The following XRN2 variants were observed in gnomAD, a reference collection of about 807,000 sequenced individuals.
XRN2 encodes the protein 5'-3' exoribonuclease 2.
Under a neutral mutation model 138.5 loss-of-function variants are expected in XRN2, and 44 were observed. The observed-to-expected ratio is 0.32, with a 90% CI of 0.25 to 0.41. The LOEUF (loss-of-function observed/expected upper bound fraction) is 0.41. Among genes scored for constraint, XRN2 ranks in the 10% least tolerant of loss-of-function variants. XRN2 has a pLI of 1.00. For synonymous variants in XRN2, 354 were observed against 369.4 expected (o/e 0.96, Z 0.48); for missense variants, 937 against 1,169.3 (o/e 0.80, Z 2.90).
chr20:21,360,030 T>A (rs2038619370), intron 24 of XRN2, among the ~76,000 whole-genome samples: 1 of 152,162 alleles, frequency 6.6e-6, no homozygotes, highest in Non-Finnish European at 1.5e-5. Flanking sequence ...GCTGTTGAAG[T>A]CCCTTAAATT....
intron 15 of XRN2, 151 bp from the exon 16 acceptor site, chr20:21,343,939 G>A: frequency 1.9e-6 from 1 of 525,428 alleles, no homozygotes; most frequent in South Asian, 3.2e-5. Flanking sequence ...AGCAAGATCA[G>A]TCTCTGTACC....
chr20:21,303,786 C>T, intron 1 of XRN2: 2 of 1,126,330 alleles, frequency 1.8e-6, no homozygotes, highest in Non-Finnish European at 2.2e-6. Flanking sequence ...GTTTCCTCTC[C>T]AGACCGCGCA....
chr20:21,334,329 TTTGA>T (rs1354676663), intron 13 of XRN2, 144 bp downstream of exon 13: 14 of 677,990 alleles, frequency 2.1e-5, no homozygotes, highest in African/African-American at 3.6e-5. Context: ...TGGTCAGTGC[TTTGA>T]TTATTTTATA....
chr20:21,347,808 A>G (rs1335255822), intron 17 of XRN2, among the ~76,000 whole-genome samples: 2 of 152,206 alleles, frequency 1.3e-5, no homozygotes, highest in East Asian at 3.8e-4. Context: ...TGATGATGAC[A>G]GCTCTAGAGA....
intron 23 of XRN2, among the ~76,000 whole-genome samples, chr20:21,357,314 A>G (rs1386238229): frequency 6.6e-6 from 1 of 152,222 alleles, no homozygotes; most frequent in Non-Finnish European, 1.5e-5. Context: ...TGCTGGCCAT[A>G]GAGTATGTGT....
intron 6 of XRN2, 86 bp downstream of exon 6, chr20:21,330,791 T>C: frequency 1.6e-6 from 2 of 1,254,720 alleles, no homozygotes; most frequent in South Asian, 2.8e-5. Flanking sequence ...TTTATCCTTC[T>C]GCCCTGCCCC....
chr20:21,348,095 C>T (rs2038460611), intron 17 of XRN2, 51 bp from the exon 18 acceptor site: 4 of 1,501,984 alleles, frequency 2.7e-6, no homozygotes, highest in Admixed American at 2.2e-5. Flanking sequence ...TAATTGTGTT[C>T]ATCATTAACA....
At chr20:21,382,932 G>C (rs2038901091) in intron 28 of XRN2, among the ~76,000 whole-genome samples, 1 of 152,090 alleles carries the variant, frequency 6.6e-6, no homozygotes. Flanking sequence ...TGCCTTCCCA[G>C]TTTTAATCTG....
intron 29 of XRN2, 84 bp from the exon 30 acceptor site, chr20:21,389,189 G>GT: frequency 4.1e-6 from 5 of 1,222,730 alleles, no homozygotes; most frequent in Non-Finnish European, 5.8e-6. Context: ...TCCTTATGAT[G>GT]TGTTTTTCCA....
In XRN2 at chr20:21,340,833, T is replaced by G. The variant is rs2038362575; in HGVS notation, c.1391T>G (p.Met464Arg). ...ASNPRQAAYEMRMQNNSSPSI... is the reference protein window; with the variant it reads ...ASNPRQAAYERRMQNNSSPSI... Reference sequence around the variant, plus strand: ...AATCCGAGACAAGCAGCCTATGAAATGAGGATGCAGAATAACTCTGTAAGT... The same window carrying G: ...AATCCGAGACAAGCAGCCTATGAAAGGAGGATGCAGAATAACTCTGTAAGT... Residue 464 changes from methionine (M) to arginine (R), a missense_variant, in exon 15 of 30, where the codon ATG becomes AGG. This residue lies in a region of XRN2 where 471 missense variants were observed against 581.2 expected (regional missense o/e 0.81). Coordinates refer to ENST00000377191, the MANE Select transcript of XRN2 (RefSeq NM_012255.5). 2 of 1,613,894 alleles carry G rather than the reference T, an allele frequency of 1.2e-6. No homozygotes were observed. Among genetic ancestry groups the G allele is most frequent in the Admixed American group, 1.7e-5 (1 of 60,006 alleles).
chr20:21,380,309 A>C (rs1313201699), intron 27 of XRN2, among the ~76,000 whole-genome samples: 1 of 152,242 alleles, frequency 6.6e-6, no homozygotes, highest in Non-Finnish European at 1.5e-5. Flanking sequence ...ATGAGCTGAA[A>C]AAGTGGCTCA....
Position 21,328,542 on chromosome 20 carries a change from A to G in XRN2, c.316-17A>G. 2 of 1,607,792 alleles carry G rather than the reference A, an allele frequency of 1.2e-6. No homozygotes were observed. Among genetic ancestry groups the G allele is most frequent in the African/African-American group, 1.3e-5 (1 of 74,974 alleles). On this transcript the variant is annotated splice_polypyrimidine_tract_variant and intron_variant, in intron 3 of 29. Transcript: ENST00000377191. ...AATATTTTGATGAGTGTTATGGAAT[A>G]TGAAATACATTTTCAGGCACCACGT...
rs11476840 is a variant in XRN2 at position 21,382,065 on chromosome 20, TA to T, written c.2648+12del. The T allele has an allele frequency of 0.83, 1,330,053 of 1,604,246 alleles. 554,139 individuals are homozygous for T. The highest frequency in any genetic ancestry group is 0.99 in the East Asian group (44,053 of 44,686). ...GCAGCAAAGGTTTGACAGGTAATATTAAAAGTAGACATGACTTTTAAATACT... is the reference window on the plus strand; with the variant it reads ...GCAGCAAAGGTTTGACAGGTAATATTAAAGTAGACATGACTTTTAAATACT... On this transcript the variant is annotated intron_variant, in intron 28 of 29. Coordinates refer to ENST00000377191, the MANE Select transcript of XRN2 (RefSeq NM_012255.5).
At chr20:21,323,482 A>G (rs891703868) in intron 1 of XRN2, among the ~76,000 whole-genome samples, 4 of 152,168 alleles carry the variant, frequency 2.6e-5, no homozygotes, top group Non-Finnish European at 5.9e-5. Flanking sequence ...CTTTAACTGA[A>G]CAGGAAACGT....
intron 26 of XRN2, among the ~76,000 whole-genome samples, chr20:21,366,086 T>G (rs1568593247): frequency 1.7e-5 from 2 of 115,494 alleles, no homozygotes; most frequent in African/African-American, 3.3e-5. Flanking sequence ...TATTTATAGT[T>G]TATATATATA....
At chr20:21,321,821 A>C (rs1049245604) in intron 1 of XRN2, among the ~76,000 whole-genome samples, 2 of 152,198 alleles carry the variant, frequency 1.3e-5, no homozygotes, top group Non-Finnish European at 2.9e-5. Flanking sequence ...CAGGTCGTTG[A>C]AGCTCTTCAT....
intron 17 of XRN2, 61 bp downstream of exon 17, chr20:21,346,611 CT>C (rs1046503348): frequency 9.9e-5 from 154 of 1,554,882 alleles, no homozygotes; most frequent in Middle Eastern, 3.5e-4. Flanking sequence ...ATAGTAATTT[CT>C]TTTTTTTTGT....
chr20:21,380,694 G>A (rs2038873730), intron 27 of XRN2, among the ~76,000 whole-genome samples: 1 of 152,188 alleles, frequency 6.6e-6, no homozygotes. Flanking sequence ...TTCACAATGG[G>A]AATCTGCCTG....
chr20:21,316,096 T>C (rs1267831324), intron 1 of XRN2, among the ~76,000 whole-genome samples: 1 of 151,914 alleles, frequency 6.6e-6, no homozygotes, highest in Non-Finnish European at 1.5e-5. Context: ...CTACTGAAAA[T>C]ACAGAAAATT....
Sources: allele counts gnomAD v4.1 joint callset (sites outside exome capture counted in the v4.1 genomes callset), GRCh38; gene constraint gnomAD v4.1.1; regional missense constraint gnomAD v4.1.1; transcripts MANE v1.5; gene names NCBI Gene and HGNC (gene_info 2026-07-23, HGNC 2026-07-21).